Variants in NSD2 observed in about 807,000 individuals in gnomAD.
NSD2 encodes nuclear receptor binding SET domain protein 2, also known as histone-lysine N-methyltransferase NSD2.
In NSD2, 12 loss-of-function variants were observed where a neutral mutation model predicts 139.0. The observed-to-expected ratio is 0.09, with a 90% CI of 0.06 to 0.14. The LOEUF is 0.14. Among genes scored for constraint, NSD2 ranks in the 10% least tolerant of loss-of-function variants. The pLI, the probability that NSD2 is intolerant of heterozygous loss-of-function variation, is 1.00. For synonymous variants in NSD2, 669 were observed against 648.7 expected (o/e 1.03, Z -0.48); for missense variants, 1,155 against 1,745.0 (o/e 0.66, Z 6.02).
At chr4:1,921,619 TA>T (rs1184226610) in intron 5 of NSD2, among the ~76,000 whole-genome samples, 1 of 151,440 alleles carries the variant, frequency 6.6e-6, no homozygotes, top group East Asian at 1.9e-4. Flanking sequence ...CCGTCTCTAC[TA>T]AAAATACAAA....
At chr4:1,887,163 G>A (rs1715175428) in intron 1 of NSD2, among the ~76,000 whole-genome samples, 1 of 152,162 alleles carries the variant, frequency 6.6e-6, no homozygotes, top group Non-Finnish European at 1.5e-5. Flanking sequence ...GAGTTCAGTA[G>A]GGACTTTTGG....
chr4:1,879,326 C>T (rs537419243), intron 1 of NSD2, among the ~76,000 whole-genome samples: 2 of 152,270 alleles, frequency 1.3e-5, no homozygotes, highest in African/African-American at 4.8e-5. Flanking sequence ...TCACACCATT[C>T]TCCTGCCTCA....
At chr4:1,895,216 A>G (rs1022266070) in intron 1 of NSD2, among the ~76,000 whole-genome samples, 4 of 152,198 alleles carry the variant, frequency 2.6e-5, no homozygotes, top group African/African-American at 9.7e-5. Flanking sequence ...TGGCTACTGT[A>G]ATAGTGCTCC....
chr4:1,915,271 A>C (rs1428927660), intron 3 of NSD2, among the ~76,000 whole-genome samples: 4 of 151,166 alleles, frequency 2.6e-5, no homozygotes, highest in Middle Eastern at 3.5e-3. Flanking sequence ...GCCCACCACC[A>C]TGCCTGGCTA....
Position 1,973,178 on chromosome 4 carries a change from A to G in NSD2, c.3373-1685A>G, listed in dbSNP as rs1726675574. On this transcript the variant is annotated intron_variant, in intron 18 of 21. Coordinates refer to ENST00000508803, the MANE Select transcript of NSD2 (RefSeq NM_001042424.3). This position sits in a 1 kb window ranked among gnomAD's most constrained non-coding sequence, Gnocchi z 5.5. ...GTTATAAAGGGGTCTGATGTTTGGA[A>G]TATCTAGGGAACATCTGTAAGTCAG... Among the ~76,000 whole-genome samples, 3 of 152,198 alleles carry G rather than the reference A, an allele frequency of 2.0e-5. No homozygotes were observed. In the South Asian group the frequency reaches 6.2e-4, roughly 32 times the overall value.
intron 9 of NSD2, chr4:1,941,399 A>T: frequency 9.5e-7 from 1 of 1,049,810 alleles, no homozygotes; most frequent in Non-Finnish European, 1.2e-6. Flanking sequence ...TAAGTCATGT[A>T]TATCGAAGGC....
At chr4:1,884,311 G>T (rs897267021) in intron 1 of NSD2, among the ~76,000 whole-genome samples, 11 of 152,072 alleles carry the variant, frequency 7.2e-5, no homozygotes, top group African/African-American at 2.7e-4. Flanking sequence ...GCCCAGGCTG[G>T]TCTCGAACTG....
chr4:1,934,718 C>G (rs11731257), intron 6 of NSD2, among the ~76,000 whole-genome samples: 1 of 146,920 alleles, frequency 6.8e-6, no homozygotes, highest in African/African-American at 2.5e-5. Context: ...CGTGGTGGCA[C>G]GTGCCTGTAA....
chr4:1,908,536 A>T (rs1185898601), intron 3 of NSD2, among the ~76,000 whole-genome samples: 1 of 152,232 alleles, frequency 6.6e-6, no homozygotes, highest in African/African-American at 2.4e-5. Context: ...TAACCCTCCA[A>T]CTGAAAGGAG....
Position 1,955,697 on chromosome 4 carries a change from G to C in NSD2, c.2523G>C (p.Gly841=). 1 of 1,612,402 alleles carries C rather than the reference G, an allele frequency of 6.2e-7. No individual in the cohort carries two copies. The highest frequency in any genetic ancestry group is 8.5e-7 in the Non-Finnish European group (1 of 1,179,132). The change falls in exon 14 of 22, where the codon GGG becomes GGC. Residue 841 remains glycine (G), a synonymous_variant. Transcript: ENST00000508803. This position sits in a 1 kb window ranked among gnomAD's most constrained non-coding sequence, Gnocchi z 4.7. ...CGCCTCGCCCTCCTCTTGCAGGGGGGAGCCTTCTGTGCTGTGAGTCCTGCC... is the reference window on the plus strand; with the variant it reads ...CGCCTCGCCCTCCTCTTGCAGGGGGCAGCCTTCTGTGCTGTGAGTCCTGCC... ...VSWCFVCSKG[G]SLLCCESCPA...
chr4:1,941,308 T>C, intron 9 of NSD2: 1 of 1,055,730 alleles, frequency 9.5e-7, no homozygotes, highest in Non-Finnish European at 1.1e-6. Context: ...GGTTATTCAC[T>C]TGAGTTGTTG....
rs762446198 is a variant in NSD2 at position 1,951,244 on chromosome 4, T to C, written c.2013+41T>C. ...CATCCGCTATGTCCGTGCTGGTGTCTGACTGGGGCCCCGGTACGCAGAGCG... is the reference window on the plus strand; with the variant it reads ...CATCCGCTATGTCCGTGCTGGTGTCCGACTGGGGCCCCGGTACGCAGAGCG... On this transcript the variant is annotated intron_variant, in intron 10 of 21. Coordinates refer to ENST00000508803, the MANE Select transcript of NSD2 (RefSeq NM_001042424.3). 8.7e-6 allele frequency: 14 copies of C among 1,612,248 alleles called. No homozygotes were observed. In the East Asian group the frequency reaches 3.1e-4, roughly 36 times the overall value.
At chr4:1,879,527 T>A (rs545236255) in intron 1 of NSD2, among the ~76,000 whole-genome samples, 1 of 152,240 alleles carries the variant, frequency 6.6e-6, no homozygotes, top group South Asian at 2.1e-4. Context: ...CCTACACACA[T>A]TTTTTAAAAA....
intron 7 of NSD2, among the ~76,000 whole-genome samples, chr4:1,935,653 A>G (rs1462316026): frequency 1.3e-5 from 2 of 152,296 alleles, no homozygotes; most frequent in Non-Finnish European, 2.9e-5. Context: ...TGAGGTCAGG[A>G]GTTCGAGACC....
chr4:1,945,043 G>T, intron 9 of NSD2: 2 of 1,066,216 alleles, frequency 1.9e-6, no homozygotes, highest in Non-Finnish European at 2.3e-6. Flanking sequence ...AGAGTCCTTG[G>T]ACAGGAGTCG....
chr4:1,878,249 ATATTTTTTTTTTTTTTTTTT>A (rs1357709550), intron 1 of NSD2, among the ~76,000 whole-genome samples: 1 of 34,918 alleles, frequency 2.9e-5, no homozygotes, highest in African/African-American at 1.4e-4. Flanking sequence ...ATATATATAT[ATATTTTTTTTTTTTTTTTTT>A]TTTTTTTTTT....
chr4:1,922,902 G>A (rs1367073253), intron 5 of NSD2, among the ~76,000 whole-genome samples: 1 of 152,154 alleles, frequency 6.6e-6, no homozygotes, highest in African/African-American at 2.4e-5. Flanking sequence ...CTCCAGCCTG[G>A]GTGACAGAAC....
chr4:1,960,710 C>CT (rs1316924795), intron 17 of NSD2, among the ~76,000 whole-genome samples: 2 of 152,206 alleles, frequency 1.3e-5, no homozygotes, highest in African/African-American at 4.8e-5. Flanking sequence ...GCCATTTTCT[C>CT]TGTTGTGGGG....
chr4:1,893,545 T>G (rs1715820279), intron 1 of NSD2, among the ~76,000 whole-genome samples: 1 of 134,070 alleles, frequency 7.5e-6, no homozygotes, highest in African/African-American at 2.6e-5. Flanking sequence ...TGTTTTTTGT[T>G]TTTTTTTTTT....
Sources: gnomAD v4.1 joint callset for allele counts (sites outside exome capture counted in the v4.1 genomes callset) on GRCh38, gnomAD v4.1.1 for gene constraint, Gnocchi (gnomAD v3.1) non-coding constraint, MANE v1.5 for transcripts, NCBI Gene and HGNC (gene_info 2026-07-23, HGNC 2026-07-21) for gene names.